ITGAV: variants seen among roughly 807,000 people sequenced by gnomAD.
ITGAV encodes the protein integrin subunit alpha V.
ITGAV carries 76 observed loss-of-function variants against 143.8 expected under a neutral mutation model. The observed-to-expected ratio is 0.53, with a 90% CI of 0.44 to 0.64. ITGAV has a LOEUF of 0.64. Ranked by LOEUF, ITGAV falls within the 30% of genes least tolerant of loss-of-function variation. ITGAV has a pLI of 0.00. For missense variants in ITGAV, 1,193 were observed against 1,274.7 expected (o/e 0.94, Z 0.98); for synonymous variants, 453 against 446.7 (o/e 1.01, Z -0.18).
At chr2:186,654,613 A>C (rs202008258) in intron 15 of ITGAV, 37 bp from the exon 16 acceptor site, 15 of 1,088,234 alleles carry the variant, frequency 1.4e-5, no homozygotes, top group Non-Finnish European at 1.9e-5. Flanking sequence ...TCTAAACTGA[A>C]TTATAGAATT....
chr2:186,598,221 G>T (rs1000308533), intron 1 of ITGAV, among the ~76,000 whole-genome samples: 1 of 151,670 alleles, frequency 6.6e-6, no homozygotes, highest in African/African-American at 2.4e-5. Context: ...GGGTAGTTGT[G>T]TGATTTTGGG....
chr2:186,623,307 A>C (rs1054512353), intron 3 of ITGAV, among the ~76,000 whole-genome samples: 7 of 151,672 alleles, frequency 4.6e-5, no homozygotes, highest in Non-Finnish European at 1.0e-4. Flanking sequence ...ATTTATTTTT[A>C]TCTTTCTTGC....
At chr2:186,636,380 A>G (rs958176366) in intron 7 of ITGAV, among the ~76,000 whole-genome samples, 173 bp downstream of exon 7, 1 of 152,226 alleles carries the variant, frequency 6.6e-6, no homozygotes, top group African/African-American at 2.4e-5. Context: ...GTTACGTTTC[A>G]GTAATTGAAA....
intron 20 of ITGAV, 79 bp downstream of exon 20, chr2:186,664,720 G>C: frequency 1.3e-6 from 2 of 1,545,914 alleles, no homozygotes; most frequent in South Asian, 2.3e-5. Context: ...CCTATTTAGT[G>C]AAGCACAAGC....
At chr2:186,677,046 G>C in intron 29 of ITGAV, 111 bp downstream of exon 29, 1 of 1,227,788 alleles carries the variant, frequency 8.1e-7, no homozygotes, top group Non-Finnish European at 1.2e-6. Flanking sequence ...CTGTAATGAT[G>C]ATACTTGATG....
At position 186,650,360 on chromosome 2, in the gene ITGAV, C is replaced by T. The variant is rs114042364; in HGVS notation, c.1397+475C>T. On this transcript the variant is annotated intron_variant, in intron 14 of 29. Transcript: ENST00000261023. ...GGGTTACAGGCACATGCTACCACAC[C>T]GGCTAATTTTTGTATTTTTAGTAGA... 3.5e-3 allele frequency among the ~76,000 whole-genome samples: 537 copies of T among 152,152 alleles called. 3 individuals are homozygous for T. The highest frequency in any genetic ancestry group is 0.011 in the African/African-American group (443 of 41,502).
intron 2 of ITGAV, among the ~76,000 whole-genome samples, chr2:186,607,968 C>T (rs1687115136): frequency 6.6e-6 from 1 of 152,132 alleles, no homozygotes; most frequent in South Asian, 2.1e-4. Context: ...TGTGGCGACT[C>T]TGGAAGCTAT....
At chr2:186,592,066 AG>A (rs1348982413) in intron 1 of ITGAV, among the ~76,000 whole-genome samples, 7 of 152,198 alleles carry the variant, frequency 4.6e-5, no homozygotes, top group Non-Finnish European at 1.0e-4. Context: ...GTTGCTCCCA[AG>A]GGTTCAATGT....
chr2:186,607,238 C>T (rs988614208), intron 2 of ITGAV, among the ~76,000 whole-genome samples: 1 of 152,088 alleles, frequency 6.6e-6, no homozygotes, highest in Non-Finnish European at 1.5e-5. Context: ...AGTGCCCTGT[C>T]CTCATGTTTT....
intron 22 of ITGAV, 55 bp downstream of exon 22, chr2:186,666,838 A>C (rs1688912083): frequency 1.1e-6 from 1 of 924,752 alleles, no homozygotes. Flanking sequence ...TATTTGTTGT[A>C]AATATACTAT....
intron 15 of ITGAV, 45 bp downstream of exon 15, chr2:186,652,134 C>T (rs770046632): frequency 8.4e-7 from 1 of 1,186,446 alleles, no homozygotes; most frequent in Non-Finnish European, 1.3e-6. Context: ...GATTATTGTT[C>T]AGGCATTGTA....
intron 14 of ITGAV, among the ~76,000 whole-genome samples, chr2:186,650,909 A>C (rs940700105): frequency 6.6e-6 from 1 of 152,134 alleles, no homozygotes; most frequent in Non-Finnish European, 1.5e-5. Flanking sequence ...TCTCTCTAAA[A>C]ATTGTCTGGG....
intron 6 of ITGAV, among the ~76,000 whole-genome samples, chr2:186,634,669 G>A (rs2105702449): frequency 6.6e-6 from 1 of 152,192 alleles, no homozygotes; most frequent in Non-Finnish European, 1.5e-5. Context: ...TGAAAAATTG[G>A]AATTTCTATG....
intron 2 of ITGAV, among the ~76,000 whole-genome samples, chr2:186,619,049 A>T (rs1029923219): frequency 6.8e-6 from 1 of 147,734 alleles, no homozygotes; most frequent in Non-Finnish European, 1.5e-5. Context: ...TGGTGTGTGT[A>T]TATGTATGTA....
intron 2 of ITGAV, among the ~76,000 whole-genome samples, chr2:186,614,584 T>G (rs925065227): frequency 1.3e-5 from 2 of 152,072 alleles, no homozygotes; most frequent in Non-Finnish European, 2.9e-5. Context: ...AACATATATC[T>G]TGTTTTAATT....
chr2:186,625,587 C>T lies in ITGAV; in HGVS notation c.523C>T (p.Gln175Ter), dbSNP rs1444729905. The T allele has an allele frequency of 1.2e-6, 2 of 1,600,422 alleles. No homozygotes were observed. Among genetic ancestry groups the T allele is most frequent in the Non-Finnish European group, 1.7e-6 (2 of 1,169,336 alleles). ...KTVEYAPCRS[Q>*]DIDADGQGFC... ...TGTTGAGTATGCTCCATGTAGATCA[C>T]GTATGTATAGGATATTGTACCAGCT... is the stretch of plus-strand genomic sequence containing the variant. Residue 175 changes from glutamine (Q) to a stop codon, truncating the protein, a stop_gained and splice_region_variant, in exon 4 of 30, where the codon CAA (glutamine) becomes TAA (stop). Coordinates refer to ENST00000261023, the MANE Select transcript of ITGAV (RefSeq NM_002210.5). LOFTEE classifies it high-confidence loss of function.
intron 8 of ITGAV, among the ~76,000 whole-genome samples, chr2:186,637,606 G>A (rs1334455556): frequency 6.6e-6 from 1 of 152,184 alleles, no homozygotes; most frequent in East Asian, 1.9e-4. Flanking sequence ...CTAGGTCTGT[G>A]CTGAACTTCC....
At chr2:186,647,394 C>A (rs1688292235) in intron 13 of ITGAV, among the ~76,000 whole-genome samples, 1 of 151,960 alleles carries the variant, frequency 6.6e-6, no homozygotes, top group Non-Finnish European at 1.5e-5. Flanking sequence ...CACCACCATG[C>A]CTGGCTAATT....
chr2:186,648,420 C>T (rs1021442427), intron 13 of ITGAV, among the ~76,000 whole-genome samples: 4 of 152,100 alleles, frequency 2.6e-5, no homozygotes, highest in Non-Finnish European at 4.4e-5. Flanking sequence ...AACAGGTGGA[C>T]AGTGTATTTT....
Sources: allele counts gnomAD v4.1 joint callset (sites outside exome capture counted in the v4.1 genomes callset), GRCh38; gene constraint gnomAD v4.1.1; transcripts MANE v1.5; gene names NCBI Gene and HGNC (gene_info 2026-07-23, HGNC 2026-07-21).